Variants in ZFP64 observed in about 807,000 individuals in gnomAD.
ZFP64 encodes the protein ZFP64 zinc finger protein.
In ZFP64, 14 loss-of-function variants were observed where a neutral mutation model predicts 51.6. That is an observed-to-expected ratio of 0.27 (90% CI 0.18 to 0.42). ZFP64 has a LOEUF of 0.42. Among genes scored for constraint, ZFP64 ranks in the 10% least tolerant of loss-of-function variants. ZFP64 has a pLI of 1.00. For synonymous variants in ZFP64, 375 were observed against 361.4 expected, an observed-to-expected ratio of 1.04 and a Z score of -0.43; for missense variants, 754 against 906.8, an observed-to-expected ratio of 0.83 and a Z score of 2.16.
chr20:52,106,309 C>A (rs6091442), intron 5 of ZFP64, among the ~76,000 whole-genome samples: 24,241 of 152,188 alleles, frequency 0.16, 2,184 homozygotes, highest in Non-Finnish European at 0.21. Flanking sequence ...CCACCTACAT[C>A]CCCCAGGTGT....
chr20:52,102,593 A>G (rs1034570969), intron 5 of ZFP64, among the ~76,000 whole-genome samples: 1 of 152,182 alleles, frequency 6.6e-6, no homozygotes, highest in Admixed American at 6.5e-5. Flanking sequence ...GAAAACCATT[A>G]AACTCTTGAG....
At chr20:52,187,348 G>T (rs539255440) in intron 1 of ZFP64, among the ~76,000 whole-genome samples, 1 of 152,056 alleles carries the variant, frequency 6.6e-6, no homozygotes, top group East Asian at 1.9e-4. Flanking sequence ...TTGGCCAGGC[G>T]CGGTGGCTCA....
chr20:52,103,259 A>G (rs2079072886), intron 5 of ZFP64, among the ~76,000 whole-genome samples: 1 of 152,218 alleles, frequency 6.6e-6, no homozygotes, highest in Admixed American at 6.5e-5. Context: ...TGGTGGTGAC[A>G]GGAAGTCCAC....
At chr20:52,158,966 T>C (rs1460564991) in intron 5 of ZFP64, among the ~76,000 whole-genome samples, 1 of 152,186 alleles carries the variant, frequency 6.6e-6, no homozygotes, top group Non-Finnish European at 1.5e-5. Context: ...GGTTAGTCCA[T>C]GGTCCCAGGA....
Position 52,153,182 on chromosome 20 carries a change from T to C in ZFP64, c.1010A>G (p.His337Arg). The C allele has an allele frequency of 6.2e-7, 1 of 1,614,198 alleles. No homozygotes were observed. Among genetic ancestry groups the C allele is most frequent in the Non-Finnish European group, 8.5e-7 (1 of 1,180,022 alleles). The change falls in exon 6 of 6, where the codon CAC becomes CGC. Residue 337 changes from histidine (H) to arginine (R), a missense_variant. His to Arg is a conservative substitution (Grantham distance 29). Around this residue, in one of 3 missense-constraint regions of ZFP64, gnomAD observed 428 missense variants for 472.4 expected, o/e 0.91. Transcript: ENST00000216923. This position sits in a 1 kb window ranked among gnomAD's most constrained non-coding sequence, Gnocchi z 5.1. ...KATLRKHSRV[H>R]QSEHPEKCSE... The stretch of plus-strand genomic sequence containing the variant: ...GCACTTCTCAGGATGCTCCGACTGG[T>C]GCACGCGGCTGTGCTTCCGGAGGGT...
chr20:52,097,471 TGGAGA>T, intron 6 of ZFP64: 1 of 1,185,782 alleles, frequency 8.4e-7, no homozygotes, highest in Non-Finnish European at 1.2e-6. Context: ...TTTTTTTTTT[TGGAGA>T]CAGAGTTTTG....
Position 52,136,048 on chromosome 20 carries a change from G to A in ZFP64, c.763+24075C>T, listed in dbSNP as rs528939310. On this transcript the variant is annotated intron_variant, in intron 5 of 8. Coordinates refer to the ZFP64 transcript ENST00000361387. The stretch of plus-strand genomic sequence containing the variant: ...AGGGAGGTGGAGGTTGCAGTGAGCC[G>A]AAATCACACCACTGCACTCCAGCCT... Among the ~76,000 whole-genome samples, 12 of 115,828 alleles carry A rather than the reference G, an allele frequency of 1.0e-4. No individual in the cohort carries two copies. In the East Asian group the frequency reaches 1.7e-3, roughly 17 times the overall value. The allele number at this position is 115,828 out of a possible 152,430, so 76.0% of individuals were successfully genotyped here.
chr20:52,110,503 T>C, intron 5 of ZFP64: 1 of 711,326 alleles, frequency 1.4e-6, no homozygotes, highest in African/African-American at 1.8e-5. Flanking sequence ...GTCTAAGATC[T>C]TCCCTGTGAT....
chr20:52,163,510 T>C (rs2123020074), intron 4 of ZFP64, among the ~76,000 whole-genome samples: 1 of 152,340 alleles, frequency 6.6e-6, no homozygotes, highest in African/African-American at 2.4e-5. Flanking sequence ...TACCAATCAA[T>C]ACTTGAAACT....
intron 5 of ZFP64, among the ~76,000 whole-genome samples, chr20:52,136,821 T>C (rs1568671261): frequency 6.6e-6 from 1 of 152,112 alleles, no homozygotes; most frequent in Non-Finnish European, 1.5e-5. Flanking sequence ...GGCTGGAGTA[T>C]AGTGGCGTGA....
Position 52,088,858 on chromosome 20 carries a change from A to C in ZFP64, c.977-215T>G, listed in dbSNP as rs186842512. Reference sequence around the variant, plus strand: ...AATCCTAAGGGAAAGATGACATAAAAATCTGATTGATGGAGAAAATTACAG... The same window carrying C: ...AATCCTAAGGGAAAGATGACATAAACATCTGATTGATGGAGAAAATTACAG... On this transcript the variant is annotated intron_variant, in intron 7 of 8. Transcript: ENST00000361387. 1.8e-4 allele frequency: 129 copies of C among 712,146 alleles called. No homozygotes were observed. In the African/African-American group the frequency reaches 2.2e-3, roughly 12 times the overall value. 44.1% of individuals were successfully genotyped at this position (712,146 alleles called of 1,614,324 possible). A position where few individuals can be genotyped will look rare whatever the true frequency, so the allele number is the denominator to read the frequency against.
intron 5 of ZFP64, among the ~76,000 whole-genome samples, chr20:52,102,601 G>C (rs1320693253): frequency 1.3e-5 from 2 of 152,154 alleles, no homozygotes; most frequent in Non-Finnish European, 2.9e-5. Context: ...TTAAACTCTT[G>C]AGGGTTTTAA....
At chr20:52,182,317 C>A (rs1983669540) in intron 2 of ZFP64, among the ~76,000 whole-genome samples, 1 of 152,142 alleles carries the variant, frequency 6.6e-6, no homozygotes, top group Non-Finnish European at 1.5e-5. Flanking sequence ...AAACAGGACT[C>A]CAGGACTGGC....
At chr20:52,158,705 CA>C (rs549722370) in intron 5 of ZFP64, among the ~76,000 whole-genome samples, 99 of 152,050 alleles carry the variant, frequency 6.5e-4, no homozygotes, top group African/African-American at 2.4e-3. Flanking sequence ...GACTCCATCT[CA>C]AAAAAGAAAG....
chr20:52,103,674 T>A (rs939518674), intron 5 of ZFP64, among the ~76,000 whole-genome samples: 1 of 152,018 alleles, frequency 6.6e-6, no homozygotes, highest in Non-Finnish European at 1.5e-5. Flanking sequence ...CCCAAAAGAC[T>A]CAGCATCCCC....
chr20:52,111,096 G>T, intron 5 of ZFP64: 1 of 955,192 alleles, frequency 1.0e-6, no homozygotes, highest in Non-Finnish European at 1.7e-6. Context: ...GAAGCGGCAG[G>T]GAGAGAGACG....
intron 5 of ZFP64, among the ~76,000 whole-genome samples, chr20:52,159,144 C>T (rs1981565504): frequency 6.6e-6 from 1 of 152,204 alleles, no homozygotes; most frequent in African/African-American, 2.4e-5. Flanking sequence ...CAGTCAACTT[C>T]CTGCTGACCT....
chr20:52,091,713 C>T (rs1307717579), intron 7 of ZFP64, among the ~76,000 whole-genome samples: 7 of 151,228 alleles, frequency 4.6e-5, no homozygotes, highest in Admixed American at 3.3e-4. Flanking sequence ...CGTGGCTGGG[C>T]GCGGTGGCTC....
chr20:52,115,937 C>T (rs898490675), intron 5 of ZFP64, among the ~76,000 whole-genome samples: 4 of 151,978 alleles, frequency 2.6e-5, no homozygotes, highest in South Asian at 4.2e-4. Flanking sequence ...CGGATTTAAG[C>T]GATTCTCCTG....
Sources: gnomAD v4.1 joint callset for allele counts (sites outside exome capture counted in the v4.1 genomes callset) on GRCh38, gnomAD v4.1.1 for gene constraint, gnomAD v4.1.1 regional missense constraint, Gnocchi (gnomAD v3.1) non-coding constraint, MANE v1.5 for transcripts, NCBI Gene and HGNC (gene_info 2026-07-23, HGNC 2026-07-21) for gene names.